The following KBTBD12 variants were observed in gnomAD, a reference collection of about 807,000 sequenced individuals.
KBTBD12 encodes the protein kelch repeat and BTB domain-containing protein 12.
In KBTBD12, 53 loss-of-function variants were observed where a neutral mutation model predicts 58.7. The ratio of observed to expected loss-of-function variants is 0.90; its 90% confidence interval spans 0.72 to 1.14. The LOEUF (loss-of-function observed/expected upper bound fraction) is 1.14. Among genes scored for constraint, KBTBD12 ranks in the 50% most tolerant of loss-of-function variants. The probability of loss-of-function intolerance (pLI) is 0.00; values close to 1 mark genes in which losing one functional copy is unlikely to be tolerated. For synonymous variants in KBTBD12, 236 were observed against 259.8 expected (o/e 0.91, Z 0.88); for missense variants, 704 against 751.3 (o/e 0.94, Z 0.74).
At chr3:127,955,830 CA>C (rs1014993408) in intron 4 of KBTBD12, among the ~76,000 whole-genome samples, 4 of 152,194 alleles carry the variant, frequency 2.6e-5, no homozygotes, top group African/African-American at 9.7e-5. Flanking sequence ...ATGAATAAGG[CA>C]ATATCTCTTC....
intron 4 of KBTBD12, among the ~76,000 whole-genome samples, chr3:127,955,501 A>G (rs1372382978): frequency 6.6e-6 from 1 of 152,246 alleles, no homozygotes; most frequent in Non-Finnish European, 1.5e-5. Flanking sequence ...TTTTCTTTTG[A>G]TAAAATTCTA....
intron 5 of KBTBD12, among the ~76,000 whole-genome samples, chr3:127,964,501 G>T (rs1940522552): frequency 6.6e-6 from 1 of 151,842 alleles, no homozygotes; most frequent in African/African-American, 2.4e-5. Flanking sequence ...AATTAGCTGG[G>T]TGTGGTGGTG....
At chr3:127,958,508 C>A (rs367612688) in intron 4 of KBTBD12, among the ~76,000 whole-genome samples, 163 of 152,240 alleles carry the variant, frequency 1.1e-3, no homozygotes, top group African/African-American at 3.8e-3. Context: ...CCACTAAGAC[C>A]CAGTGCTGGG....
chr3:127,929,855 TAA>T (rs1017887006), intron 3 of KBTBD12, among the ~76,000 whole-genome samples: 1 of 144,574 alleles, frequency 6.9e-6, no homozygotes. Flanking sequence ...GTTGCTTCTT[TAA>T]AAAAAAAAAA....
intron 5 of KBTBD12, among the ~76,000 whole-genome samples, chr3:127,967,852 T>C (rs1940606685): frequency 6.6e-6 from 1 of 152,242 alleles, no homozygotes; most frequent in Non-Finnish European, 1.5e-5. Flanking sequence ...CTTAAGTGTT[T>C]CTGCATGTCT....
chr3:127,964,747 G>T (rs1010074434), intron 5 of KBTBD12, among the ~76,000 whole-genome samples: 1 of 152,080 alleles, frequency 6.6e-6, no homozygotes. Context: ...AATGGCAAGA[G>T]GTGGCAAGAA....
chr3:127,923,260 T>C lies in KBTBD12; in HGVS notation c.199T>C (p.Cys67Arg). The stretch of plus-strand genomic sequence containing the variant: ...TATGTTCACCTGTGGACTACTTGAA[T>C]GTAATCAAAGGGAAGTCATACTTTA... Reference protein sequence around the residue: ...KAMFTCGLLECNQREVILYDI... With the variant: ...KAMFTCGLLERNQREVILYDI... Residue 67 changes from cysteine to arginine, a missense_variant, in exon 2 of 6, where the codon TGT (cysteine) becomes CGT (arginine). Coordinates refer to ENST00000405109, the MANE Select transcript of KBTBD12 (RefSeq NM_207335.4). 6.2e-7 allele frequency: 1 copy of C among 1,613,864 alleles called. No homozygotes were observed.
At chr3:127,956,464 A>C (rs1940323033) in intron 4 of KBTBD12, among the ~76,000 whole-genome samples, 1 of 149,750 alleles carries the variant, frequency 6.7e-6, no homozygotes, top group Non-Finnish European at 1.5e-5. Context: ...TTATGGACAA[A>C]AAAAAAAAAA....
chr3:127,984,183 C>T lies in KBTBD12; in HGVS notation c.1777C>T (p.His593Tyr), dbSNP rs776423756. The T allele has an allele frequency of 1.9e-6, 3 of 1,613,616 alleles. No individual in the cohort carries two copies. Among genetic ancestry groups the T allele is most frequent in the Non-Finnish European group, 2.5e-6 (3 of 1,179,540 alleles). The stretch of plus-strand genomic sequence containing the variant: ...TGTTGTAGCCATCAACGTCCTCATG[C>T]ATGACAGCTATGATGTCTGCCTAGT... The part of the protein sequence containing the change: ...WNVVAINVLM[H>Y]DSYDVCLVAR... The change falls in exon 6 of 6, where the codon CAT becomes TAT. Residue 593 changes from histidine (H) to tyrosine (Y), a missense_variant. Coordinates refer to ENST00000405109, the MANE Select transcript of KBTBD12 (RefSeq NM_207335.4).
chr3:127,964,288 G>C (rs954713394), intron 5 of KBTBD12, among the ~76,000 whole-genome samples: 1 of 152,096 alleles, frequency 6.6e-6, no homozygotes, highest in African/African-American at 2.4e-5. Context: ...CTGCAGCAAA[G>C]CAGAGCCTTT....
In KBTBD12 at chr3:127,987,106, G is replaced by C. The variant is rs1449959533; in HGVS notation, c.*2828G>C. ...GCTGGAGCCAGGAGGGCAGTGACCAGGAGCTGGCTTAGCACTGAAGGGAAG... is the reference window on the plus strand; with the variant it reads ...GCTGGAGCCAGGAGGGCAGTGACCACGAGCTGGCTTAGCACTGAAGGGAAG... On this transcript the variant is annotated 3_prime_UTR_variant, in exon 6 of 6. Transcript: ENST00000405109. 3.3e-5 allele frequency: 5 copies of C among 152,280 alleles called. No individual in the cohort carries two copies. The allele number at this position is 152,280 out of a possible 1,614,324, so 9.4% of individuals were successfully genotyped here.
chr3:127,934,563 A>C (rs1002752250), intron 4 of KBTBD12, among the ~76,000 whole-genome samples: 4 of 152,154 alleles, frequency 2.6e-5, no homozygotes, highest in Non-Finnish European at 5.9e-5. Flanking sequence ...CTACAGAGCA[A>C]AGAAGTTTAT....
chr3:127,923,353 A>T lies in KBTBD12; in HGVS notation c.292A>T (p.Asn98Tyr), dbSNP rs1939474002. The change falls in exon 2 of 6, where the codon AAT (asparagine) becomes TAT (tyrosine). Residue 98 changes from asparagine to tyrosine, a missense_variant. Transcript: ENST00000405109. The part of the protein sequence containing the change: ...YMYNAALEIN[N>Y]ANVQTVAMAA... ...GTACAATGCAGCTTTGGAGATCAAT[A>T]ATGCCAATGTACAGACTGTAGCTAT... 4.3e-6 allele frequency: 7 copies of T among 1,613,868 alleles called. No individual in the cohort carries two copies. The East Asian group carries it at 1.6e-4, about 36-fold the overall frequency.
At chr3:127,926,291 A>G (rs537794122) in intron 2 of KBTBD12, among the ~76,000 whole-genome samples, 4 of 152,032 alleles carry the variant, frequency 2.6e-5, no homozygotes, top group Non-Finnish European at 2.9e-5. Context: ...TTCCTAGCCT[A>G]TTTTCTTTAA....
chr3:127,968,083 G>A (rs1940613308), intron 5 of KBTBD12, among the ~76,000 whole-genome samples: 1 of 152,174 alleles, frequency 6.6e-6, no homozygotes, highest in Non-Finnish European at 1.5e-5. Context: ...ATTGCCCCGT[G>A]AGAATAAGTC....
chr3:127,923,401 G>A lies in KBTBD12; in HGVS notation c.340G>A (p.Glu114Lys), dbSNP rs780163934. 3 of 1,613,400 alleles carry A rather than the reference G, an allele frequency of 1.9e-6. No individual in the cohort carries two copies. The highest frequency in any genetic ancestry group is 2.2e-5 in the South Asian group (2 of 91,070). The part of the protein sequence containing the change: ...VAMAAYFMQM[E>K]EVFSVCQKYM... ...TATGGCTGCCTATTTTATGCAGATG[G>A]AAGAAGTCTTCAGTGTGTGTCAAAA... Residue 114 changes from glutamate to lysine, a missense_variant, in exon 2 of 6, where the codon GAA becomes AAA. By Grantham distance (56) the Glu-to-Lys change is moderately conservative. Coordinates refer to ENST00000405109, the MANE Select transcript of KBTBD12 (RefSeq NM_207335.4).
Position 127,923,980 on chromosome 3 carries a change from A to G in KBTBD12, c.919A>G (p.Lys307Glu), listed in dbSNP as rs373023412. ...TTTTTGTTATGATCCTGTATCACGG[A>G]AAACCTATTTCATCTCATCTCCCAA... ...ASFCYDPVSRKTYFISSPKYG... is the reference protein window; with the variant it reads ...ASFCYDPVSRETYFISSPKYG... The change falls in exon 2 of 6, where the codon AAA becomes GAA. Residue 307 changes from lysine (K) to glutamate (E), a missense_variant. Physicochemically the swap from Lys to Glu is moderately conservative, Grantham distance 56. Transcript: ENST00000405109. 2.5e-6 allele frequency: 4 copies of G among 1,613,714 alleles called. No homozygotes were observed. The highest frequency in any genetic ancestry group is 2.5e-6 in the Non-Finnish European group (3 of 1,179,790).
chr3:127,964,177 AT>A (rs1257489872), intron 5 of KBTBD12, among the ~76,000 whole-genome samples: 1 of 152,158 alleles, frequency 6.6e-6, no homozygotes, highest in African/African-American at 2.4e-5. Flanking sequence ...CTTGAATTAT[AT>A]TCTCACTAAC....
At chr3:127,972,928 T>C (rs2107615008) in intron 5 of KBTBD12, among the ~76,000 whole-genome samples, 1 of 152,334 alleles carries the variant, frequency 6.6e-6, no homozygotes, top group Non-Finnish European at 1.5e-5. Context: ...AAATCATCAA[T>C]GGATGCTAAA....
Sources: allele counts gnomAD v4.1 joint callset (sites outside exome capture counted in the v4.1 genomes callset), GRCh38; gene constraint gnomAD v4.1.1; transcripts MANE v1.5; gene names NCBI Gene and HGNC (gene_info 2026-07-23, HGNC 2026-07-21).